Variants in DALRD3 observed in about 807,000 individuals in gnomAD.
The protein encoded by DALRD3 is DALR anticodon binding domain containing 3.
In DALRD3, 47 loss-of-function variants were observed where a neutral mutation model predicts 56.7. That is an observed-to-expected ratio of 0.83 (90% confidence interval 0.66 to 1.06). The LOEUF is 1.06. DALRD3 is among the 50% of genes least tolerant of loss of function. DALRD3 has a pLI of 0.00. For missense variants in DALRD3, 787 were observed against 724.0 expected (o/e 1.09, Z -1.00); for synonymous variants, 347 against 308.5 (o/e 1.12, Z -1.31).
chr3:49,018,257 A>AGCACCGGGGCC lies in DALRD3; in HGVS notation c.216_226dup (p.Leu76ArgfsTer63). On this transcript the variant is annotated frameshift_variant, in exon 2 of 12. Transcript: ENST00000341949. LOFTEE classifies it high-confidence loss of function. ...ACCCGCGGGGGTCGGCGCGCAGCGC[A>AGCACCGGGGCC]GCACCGGGGCCACACCGGGGCCCTG... The AGCACCGGGGCC allele has an allele frequency of 6.9e-7, 1 of 1,442,812 alleles. No homozygotes were observed. The highest frequency in any genetic ancestry group is 9.0e-7 in the Non-Finnish European group (1 of 1,106,700). 89.4% of individuals were successfully genotyped at this position (1,442,812 alleles called of 1,614,324 possible). A position where few individuals can be genotyped will look rare whatever the true frequency, so the allele number is the denominator to read the frequency against.
upstream of DALRD3, among the ~76,000 whole-genome samples, chr3:49,019,640 C>T (rs2093134859): frequency 6.6e-6 from 1 of 151,892 alleles, no homozygotes; most frequent in Non-Finnish European, 1.5e-5. Flanking sequence ...CCACCACGCC[C>T]GGCTACTTTT....
Position 49,017,506 on chromosome 3 carries a change from C to T in DALRD3, c.726G>A (p.Glu242=), listed in dbSNP as rs766656996. 6.2e-7 allele frequency: 1 copy of T among 1,614,168 alleles called. No individual in the cohort carries two copies. The highest frequency in any genetic ancestry group is 1.1e-5 in the South Asian group (1 of 91,086). ...DPNLDNCLVT[E]DLLSVLAELQ... is the part of the protein sequence containing the mutation. ...GCTCAGCCAGCACAGAGAGGAGATC[C>T]TCAGTCACTGAAAAGAGAACAGACA... is the stretch of plus-strand genomic sequence containing the variant. The change falls in exon 4 of 12, where the codon GAG becomes GAA. Residue 242 remains glutamate, a synonymous_variant. Coordinates refer to ENST00000341949, the MANE Select transcript of DALRD3 (RefSeq NM_001009996.3).
At chr3:49,020,893 C>T (rs1297042844), upstream of DALRD3, 3 of 280,716 alleles carry the variant, frequency 1.1e-5, no homozygotes, top group Non-Finnish European at 2.2e-5. Flanking sequence ...CCCCTGGGAC[C>T]GGGTCCCGAT....
chr3:49,018,030 C>T lies in DALRD3; in HGVS notation c.454G>A (p.Ala152Thr). The change falls in exon 2 of 12, where the codon GCT (alanine) becomes ACT (threonine). Residue 152 changes from alanine (A) to threonine (T), a missense_variant. Coordinates refer to ENST00000341949, the MANE Select transcript of DALRD3 (RefSeq NM_001009996.3). ...VADHLARALRAHGVCVRLVPA... is the reference protein window; with the variant it reads ...VADHLARALRTHGVCVRLVPA... The stretch of plus-strand genomic sequence containing the variant: ...CCCCGCGGCCCCGCTCACCCGTGAG[C>T]GCGCAGGGCTCGCGCCAGGTGATCG... The T allele has an allele frequency of 6.7e-7, 1 of 1,485,132 alleles. No homozygotes were observed. Among genetic ancestry groups the T allele is most frequent in the Non-Finnish European group, 8.9e-7 (1 of 1,127,972 alleles). 92.0% of individuals were successfully genotyped at this position (1,485,132 alleles called of 1,614,324 possible).
chr3:49,020,033 G>C (rs1457474470), upstream of DALRD3: 1 of 458,346 alleles, frequency 2.2e-6, no homozygotes, highest in Non-Finnish European at 4.4e-6. Context: ...TTTTAATAGA[G>C]AAGCTAACTC....
Position 49,017,679 on chromosome 3 carries a change from GAC to G in DALRD3, c.650_651del (p.Cys217SerfsTer15). On this transcript the variant is annotated frameshift_variant, in exon 3 of 12. Transcript: ENST00000341949. LOFTEE classifies it high-confidence loss of function. ...CCCTGTTCTTCCACCAGCTCCTTCA[GAC>G]ACAGTCTGCCTAGGATGCCAGGGGA... Reference protein sequence around the residue: ...TLSPGILGRLCLKELVEEQGR... With the variant: ...TLSPGILGRLXLKELVEEQGR... The G allele has an allele frequency of 6.2e-7, 1 of 1,614,188 alleles. No individual in the cohort carries two copies. Among genetic ancestry groups the G allele is most frequent in the Non-Finnish European group, 8.5e-7 (1 of 1,180,018 alleles).
Position 49,015,854 on chromosome 3 carries a change from G to T in DALRD3, c.1462C>A (p.Gln488Lys). Reference protein sequence around the residue: ...RTEMICKFLVQLSMDFSSYYN... With the variant: ...RTEMICKFLVKLSMDFSSYYN... ...TAGGAGCTGAAATCCATGCTGAGCT[G>T]TACCAGGAACTTGCATATCTAGAGA... The change falls in exon 11 of 12, where the codon CAG becomes AAG. Residue 488 changes from glutamine (Q) to lysine (K), a missense_variant. Gln to Lys is a moderately conservative substitution (Grantham distance 53). Coordinates refer to ENST00000341949, the MANE Select transcript of DALRD3 (RefSeq NM_001009996.3). 6.2e-7 allele frequency: 1 copy of T among 1,614,206 alleles called. No homozygotes were observed. Among genetic ancestry groups the T allele is most frequent in the East Asian group, 2.2e-5 (1 of 44,890 alleles).
At chr3:49,020,375 A>G, upstream of DALRD3, 1 of 423,144 alleles carries the variant, frequency 2.4e-6, no homozygotes, top group South Asian at 1.7e-5. Context: ...ATCTTTAGCG[A>G]GATGCGGGCT....
rs890657487 is a variant in DALRD3, at chr3:49,016,821, T to C, written c.954A>G (p.Lys318=). Residue 318 remains lysine (K), a synonymous_variant, in exon 6 of 12, where the codon AAA becomes AAG. Coordinates refer to ENST00000341949, the MANE Select transcript of DALRD3 (RefSeq NM_001009996.3). ...RQKHLICGPV[K]VAGAPGTLMT... is the part of the protein sequence containing the mutation. ...TCAGAGTGCCAGGTGCACCAGCTACTTTCACAGGGCCACAGATGAGGTGCT... is the reference window on the plus strand; with the variant it reads ...TCAGAGTGCCAGGTGCACCAGCTACCTTCACAGGGCCACAGATGAGGTGCT... The C allele has an allele frequency of 6.2e-7, 1 of 1,614,106 alleles. No homozygotes were observed. The highest frequency in any genetic ancestry group is 1.3e-5 in the African/African-American group (1 of 74,938).
chr3:49,017,655 CCT>C lies in DALRD3; in HGVS notation c.674_675del (p.Gln225ArgfsTer7), dbSNP rs778514277. 6.2e-7 allele frequency: 1 copy of C among 1,614,196 alleles called. No individual in the cohort carries two copies. The highest frequency in any genetic ancestry group is 8.5e-7 in the Non-Finnish European group (1 of 1,180,036). On this transcript the variant is annotated frameshift_variant, in exon 3 of 12. Coordinates refer to ENST00000341949, the MANE Select transcript of DALRD3 (RefSeq NM_001009996.3). LOFTEE classifies it high-confidence loss of function. ...TTGGGGTCATAGCCAGCTGTGCGGC[CCT>C]GTTCTTCCACCAGCTCCTTCAGACA... Reference protein sequence around the residue: ...RLCLKELVEEQGRTAGYDPNL... With the variant: ...RLCLKELVEEXGRTAGYDPNL...
chr3:49,020,923 C>G (rs1045201580), upstream of DALRD3: 2 of 252,086 alleles, frequency 7.9e-6, no homozygotes, highest in African/African-American at 4.5e-5. Context: ...ATCCGTGGGG[C>G]AGGATTAGCC....
In DALRD3 at chr3:49,016,186, C is replaced by T. The variant is rs763752882; in HGVS notation, c.1301G>A (p.Ser434Asn). 56 of 1,614,056 alleles carry T rather than the reference C, an allele frequency of 3.5e-5. No individual in the cohort carries two copies. The highest frequency in any genetic ancestry group is 1.2e-4 in the Admixed American group (7 of 60,014). The stretch of plus-strand genomic sequence containing the variant: ...ATCATGTAGCAGTGAGAAGTCCAGA[C>T]TGCTCACAGGAGGAAAAGTGGGGTA... Reference protein sequence around the residue: ...GLYPTFPPVSSLDFSLLHDEG... With the variant: ...GLYPTFPPVSNLDFSLLHDEG... Residue 434 changes from serine to asparagine, a missense_variant, in exon 9 of 12, where the codon AGT becomes AAT. Transcript: ENST00000341949.
chr3:49,015,795 T>C lies in DALRD3; in HGVS notation c.1512+9A>G. On this transcript the variant is annotated intron_variant, in intron 11 of 11. Transcript: ENST00000341949. ...CTGCACGTCCCACCCCATTTTGCTGTGTGCTCACCCCCAGGATGTGTACCC... is the reference window on the plus strand; with the variant it reads ...CTGCACGTCCCACCCCATTTTGCTGCGTGCTCACCCCCAGGATGTGTACCC... 6.2e-7 allele frequency: 1 copy of C among 1,614,168 alleles called. No individual in the cohort carries two copies.
chr3:49,020,819 G>C (rs778680245), upstream of DALRD3: 3 of 368,576 alleles, frequency 8.1e-6, no homozygotes, highest in Non-Finnish European at 1.7e-5. Flanking sequence ...GTTGTGAAAC[G>C]GAGTCTAGAG....
rs1198559092 is a variant in DALRD3, at chr3:49,015,822, G to A, written c.1494C>T (p.Asn498=). Residue 498 remains asparagine, a synonymous_variant, in exon 11 of 12, where the codon AAC becomes AAT. Coordinates refer to ENST00000341949, the MANE Select transcript of DALRD3 (RefSeq NM_001009996.3). The part of the protein sequence containing the change: ...QLSMDFSSYY[N]RVHILGEPRP... ...TGCTCACCCCCAGGATGTGTACCCG[G>A]TTGTAGTAGGAGCTGAAATCCATGC... The A allele has an allele frequency of 1.2e-6, 2 of 1,614,052 alleles. No individual in the cohort carries two copies. The highest frequency in any genetic ancestry group is 2.7e-5 in the African/African-American group (2 of 74,896).
At chr3:49,020,658 T>A (rs746899790), upstream of DALRD3, 1 of 492,776 alleles carries the variant, frequency 2.0e-6, no homozygotes, top group African/African-American at 2.0e-5. Context: ...GCAGCTGGAA[T>A]GCTCTGGAGA....
At chr3:49,016,717 A>G (rs760849977) in intron 6 of DALRD3, 44 bp from the exon 7 acceptor site, 48 of 1,613,612 alleles carry the variant, frequency 3.0e-5, no homozygotes, top group Non-Finnish European at 4.0e-5. Context: ...GGTCCTGGGT[A>G]AAGAGTCCCC....
At position 49,017,482 on chromosome 3, in the gene DALRD3, C is replaced by T. The variant is rs767507303; in HGVS notation, c.750G>A (p.Glu250=). 1 of 1,613,996 alleles carries T rather than the reference C, an allele frequency of 6.2e-7. No homozygotes were observed. The highest frequency in any genetic ancestry group is 1.3e-5 in the African/African-American group (1 of 74,934). The stretch of plus-strand genomic sequence containing the variant: ...GCCAATGCCATAGAGCCTCTTGCAG[C>T]TCAGCCAGCACAGAGAGGAGATCCT... The part of the protein sequence containing the change: ...VTEDLLSVLA[E]LQEALWHWPE... Residue 250 remains glutamate (E), a synonymous_variant, in exon 4 of 12, where the codon GAG becomes GAA. Transcript: ENST00000341949.
chr3:49,017,069 G>C (rs1256029949), intron 5 of DALRD3, 159 bp downstream of exon 5: 4 of 1,072,384 alleles, frequency 3.7e-6, no homozygotes, highest in Admixed American at 2.3e-5. Context: ...CCCTTCCCCA[G>C]AGCCTCTGCA....
Sources: allele counts gnomAD v4.1 joint callset (sites outside exome capture counted in the v4.1 genomes callset), GRCh38; gene constraint gnomAD v4.1.1; transcripts MANE v1.5; gene names NCBI Gene and HGNC (gene_info 2026-07-23, HGNC 2026-07-21).